TRIB2: variants seen among roughly 807,000 people sequenced by gnomAD.
The protein encoded by TRIB2 is tribbles pseudokinase 2, also known as tribbles homolog 2.
A neutral mutation model predicts 26.8 loss-of-function variants in TRIB2; 2 were observed. The observed-to-expected ratio is 0.07, with a 90% CI of 0.03 to 0.24. The LOEUF (loss-of-function observed/expected upper bound fraction) is 0.24, where lower values mean the gene tolerates loss of function less well. Among genes scored for constraint, TRIB2 ranks in the 10% least tolerant of loss-of-function variants. The probability of loss-of-function intolerance (pLI) is 1.00; values close to 1 mark genes in which losing one functional copy is unlikely to be tolerated. For missense variants in TRIB2, 306 were observed against 449.0 expected, an observed-to-expected ratio of 0.68 and a Z score of 2.88; for synonymous variants, 189 against 187.3, an observed-to-expected ratio of 1.01 and a Z score of -0.08.
chr2:12,733,669 A>G (rs758893428), intron 2 of TRIB2, among the ~76,000 whole-genome samples: 25 of 152,180 alleles, frequency 1.6e-4, no homozygotes, highest in Admixed American at 5.2e-4. Flanking sequence ...TATTATTAGG[A>G]TATCATATGG....
At chr2:12,731,841 GA>G (rs929700325) in intron 2 of TRIB2, among the ~76,000 whole-genome samples, 17 of 152,152 alleles carry the variant, frequency 1.1e-4, no homozygotes, top group African/African-American at 4.1e-4. Context: ...GAAAATTCTG[GA>G]CCCCGAAGCA....
In TRIB2 at chr2:12,718,369, C is replaced by T; in HGVS notation, c.62C>T (p.Thr21Ile). 2 of 1,614,162 alleles carry T rather than the reference C, an allele frequency of 1.2e-6. No individual in the cohort carries two copies. The highest frequency in any genetic ancestry group is 1.7e-6 in the Non-Finnish European group (2 of 1,180,020). Residue 21 changes from threonine (T) to isoleucine (I), a missense_variant, in exon 1 of 3, where the codon ACC becomes ATC. This residue lies in a region of TRIB2 where 99 missense variants were observed against 106.5 expected (regional missense o/e 0.93). Transcript: ENST00000155926. The surrounding 1 kb of genome is among the most constrained non-coding windows in gnomAD (Gnocchi z 4.0). ...AGATATGGGAGATCGCGGAACAAAA[C>T]CCAGGATTTCGAAGAGTTGTCGTCT... ...IARYGRSRNK[T>I]QDFEELSSIR...
At chr2:12,723,828 G>T (rs1276233837) in intron 2 of TRIB2, among the ~76,000 whole-genome samples, 5 of 152,196 alleles carry the variant, frequency 3.3e-5, no homozygotes, top group Admixed American at 6.5e-5. Flanking sequence ...GAATTCCGAA[G>T]GTGGCTGCAA....
At position 12,717,600 on chromosome 2, in the gene TRIB2, C is replaced by G. The variant is rs1002096633; in HGVS notation, c.-708C>G. The stretch of plus-strand genomic sequence containing the variant: ...CCGCACCAAGTTAAATGCTCCCTTG[C>G]AATTTTTCTTTTTTTTGTTTGTTTG... On this transcript the variant is annotated 5_prime_UTR_variant, in exon 1 of 3. Coordinates refer to ENST00000155926, the MANE Select transcript of TRIB2 (RefSeq NM_021643.4). The surrounding 1 kb of genome is among the most constrained non-coding windows in gnomAD (Gnocchi z 4.8). The G allele has an allele frequency of 5.0e-5, 20 of 397,228 alleles. No individual in the cohort carries two copies. The highest frequency in any genetic ancestry group is 4.1e-4 in the African/African-American group (20 of 48,608). 24.6% of individuals were successfully genotyped at this position (397,228 alleles called of 1,614,324 possible).
At chr2:12,726,803 C>T (rs539173109) in intron 2 of TRIB2, among the ~76,000 whole-genome samples, 3 of 152,186 alleles carry the variant, frequency 2.0e-5, no homozygotes, top group African/African-American at 4.8e-5. Flanking sequence ...GGAAAGCAAT[C>T]GAAAGTGCAG....
rs183863370 is a variant in TRIB2, at chr2:12,718,110, C to T, written c.-198C>T. ...CTGCCGACCGAGGACCCCCGGGAGC[C>T]GGGCTCGGAGCAGACGAGGTATCCG... On this transcript the variant is annotated 5_prime_UTR_variant, in exon 1 of 3. Transcript: ENST00000155926. The surrounding 1 kb of genome is among the most constrained non-coding windows in gnomAD (Gnocchi z 4.0). 5 of 716,174 alleles carry T rather than the reference C, an allele frequency of 7.0e-6. No homozygotes were observed. The highest frequency in any genetic ancestry group is 1.1e-5 in the Non-Finnish European group (5 of 452,798). 44.4% of individuals were successfully genotyped at this position (716,174 alleles called of 1,614,324 possible). A position where few individuals can be genotyped will look rare whatever the true frequency, so the allele number is the denominator to read the frequency against.
rs143258586 is a variant in TRIB2 at position 12,727,184 on chromosome 2, C to T, written c.563+3632C>T. Among the ~76,000 whole-genome samples the T allele has an allele frequency of 4.4e-3, 671 of 152,260 alleles. 6 individuals are homozygous for T. Among genetic ancestry groups the T allele is most frequent in the African/African-American group, 0.015 (629 of 41,550 alleles). ...TAAGTCATTGAATGTTTCTAAGCTGCGGTTCCTCAAAGCAGAAATAATAAT... is the reference window on the plus strand; with the variant it reads ...TAAGTCATTGAATGTTTCTAAGCTGTGGTTCCTCAAAGCAGAAATAATAAT... On this transcript the variant is annotated intron_variant, in intron 2 of 2. Transcript: ENST00000155926.
chr2:12,731,406 G>A (rs1661455866), intron 2 of TRIB2, among the ~76,000 whole-genome samples: 4 of 152,162 alleles, frequency 2.6e-5, no homozygotes, highest in Admixed American at 2.0e-4. Context: ...ACCATTGAAA[G>A]GTTTTTCTGG....
At chr2:12,737,739 A>G (rs1335282468) in intron 2 of TRIB2, among the ~76,000 whole-genome samples, 1 of 152,244 alleles carries the variant, frequency 6.6e-6, no homozygotes, top group African/African-American at 2.4e-5. Flanking sequence ...CAGAGACTTT[A>G]AGACTGCCTT....
chr2:12,728,969 T>A (rs1426117198), intron 2 of TRIB2, among the ~76,000 whole-genome samples: 3 of 152,192 alleles, frequency 2.0e-5, no homozygotes, highest in African/African-American at 7.2e-5. Flanking sequence ...CAGACTCAGC[T>A]TTTCTTTCAT....
chr2:12,733,865 G>A (rs1193006867), intron 2 of TRIB2, among the ~76,000 whole-genome samples: 1 of 152,120 alleles, frequency 6.6e-6, no homozygotes, highest in East Asian at 1.9e-4. Flanking sequence ...TCTGGAGCCT[G>A]TGCTGAGAGT....
intron 1 of TRIB2, among the ~76,000 whole-genome samples, 185 bp from the exon 2 acceptor site, chr2:12,723,075 G>A (rs1572478478): frequency 6.7e-6 from 1 of 149,304 alleles, no homozygotes; most frequent in African/African-American, 2.6e-5. Flanking sequence ...TGGAGGCTCC[G>A]AGAGGTTAAG....
chr2:12,719,720 C>T (rs1661151310), intron 1 of TRIB2, among the ~76,000 whole-genome samples: 1 of 152,040 alleles, frequency 6.6e-6, no homozygotes, highest in Non-Finnish European at 1.5e-5. Context: ...GCCTTATTTC[C>T]TAGTGGACTG....
chr2:12,718,915 TA>T lies in TRIB2; in HGVS notation c.270+339del, dbSNP rs1265354049. ...CCCGGGGGGGATTTCTTCCTGTGTC[TA>T]GCCCCCTCCCCTTCCAACAAGGATT... is the stretch of plus-strand genomic sequence containing the variant. On this transcript the variant is annotated intron_variant, in intron 1 of 2. Transcript: ENST00000155926. The surrounding 1 kb of genome is among the most constrained non-coding windows in gnomAD (Gnocchi z 4.0). Among the ~76,000 whole-genome samples, 1 of 152,100 alleles carries T rather than the reference TA, an allele frequency of 6.6e-6. No individual in the cohort carries two copies.
chr2:12,733,011 C>T (rs1661489383), intron 2 of TRIB2, among the ~76,000 whole-genome samples: 1 of 152,186 alleles, frequency 6.6e-6, no homozygotes. Context: ...CCACCCTGGC[C>T]CACCCTGTCC....
intron 2 of TRIB2, among the ~76,000 whole-genome samples, chr2:12,727,368 T>C (rs1402267909): frequency 4.6e-5 from 7 of 152,180 alleles, no homozygotes; most frequent in Admixed American, 4.6e-4. Flanking sequence ...TCTTGAAGAA[T>C]TAAGTCGCTC....
intron 2 of TRIB2, among the ~76,000 whole-genome samples, chr2:12,724,263 A>T (rs935970208): frequency 2.6e-4 from 39 of 152,352 alleles, no homozygotes; most frequent in African/African-American, 8.2e-4. Context: ...GGCAGTGCAG[A>T]GGTCTTGGTT....
chr2:12,741,866 C>A lies in TRIB2; in HGVS notation c.*1072C>A, dbSNP rs1430606183. 4 of 152,658 alleles carry A rather than the reference C, an allele frequency of 2.6e-5. No individual in the cohort carries two copies. Among genetic ancestry groups the A allele is most frequent in the African/African-American group, 9.7e-5 (4 of 41,442 alleles). 9.5% of individuals were successfully genotyped at this position (152,658 alleles called of 1,614,324 possible). On this transcript the variant is annotated 3_prime_UTR_variant, in exon 3 of 3. Transcript: ENST00000155926. ...GGCTTGTAAGGCCCTCTGGTTTGGA[C>A]AAAAACCCTCAGTAGAGACAAGCGG...
rs752775669 is a variant in TRIB2, at chr2:12,717,362, G to C, written c.-946G>C. ...CGCAGGACCCCCGCAAGCTCGTGCC[G>C]GCGAAATCGGAGACCGCCGATCTGT... On this transcript the variant is annotated 5_prime_UTR_variant, in exon 1 of 3. Transcript: ENST00000155926. The surrounding 1 kb of genome is among the most constrained non-coding windows in gnomAD (Gnocchi z 4.8). The C allele has an allele frequency of 2.5e-6, 1 of 398,332 alleles. No homozygotes were observed. Among genetic ancestry groups the C allele is most frequent in the African/African-American group, 2.1e-5 (1 of 48,620 alleles). 24.7% of individuals were successfully genotyped at this position (398,332 alleles called of 1,614,324 possible).
Sources: gnomAD v4.1 joint callset for allele counts (sites outside exome capture counted in the v4.1 genomes callset) on GRCh38, gnomAD v4.1.1 for gene constraint, gnomAD v4.1.1 regional missense constraint, Gnocchi (gnomAD v3.1) non-coding constraint, MANE v1.5 for transcripts, NCBI Gene and HGNC (gene_info 2026-07-23, HGNC 2026-07-21) for gene names.